Variants in GRIA1 observed in about 807,000 individuals in gnomAD.
GRIA1 encodes the protein glutamate ionotropic receptor AMPA type subunit 1, also known as glutamate receptor 1.
GRIA1 carries 31 observed loss-of-function variants against 99.2 expected under a neutral mutation model. The ratio of observed to expected loss-of-function variants is 0.31; its 90% CI spans 0.23 to 0.42. The LOEUF (loss-of-function observed/expected upper bound fraction) is 0.42. Among genes scored for constraint, GRIA1 ranks in the 10% least tolerant of loss-of-function variants. The pLI is 1.00. For missense variants in GRIA1, 782 were observed against 1,157.5 expected (o/e 0.68, Z 4.71); for synonymous variants, 438 against 432.4 (o/e 1.01, Z -0.16).
chr5:153,652,743 A>G (rs1398501867), intron 4 of GRIA1, among the ~76,000 whole-genome samples: 1 of 152,216 alleles, frequency 6.6e-6, no homozygotes, highest in African/African-American at 2.4e-5. Context: ...TTTACAGATC[A>G]CTTGATTCTT....
chr5:153,688,275 A>G (rs28438891), intron 8 of GRIA1, among the ~76,000 whole-genome samples: 21,664 of 152,128 alleles, frequency 0.14, 2,080 homozygotes, highest in East Asian at 0.52. Context: ...CTGGGAACGT[A>G]TCCACTTCTT....
At chr5:153,536,637 T>C (rs1758600279) in intron 2 of GRIA1, among the ~76,000 whole-genome samples, 2 of 152,196 alleles carry the variant, frequency 1.3e-5, no homozygotes, top group Non-Finnish European at 2.9e-5. Flanking sequence ...GAAATAGCTT[T>C]TGGAATCCAT....
chr5:153,492,786 T>TA (rs1409607902), intron 1 of GRIA1, among the ~76,000 whole-genome samples: 9 of 143,734 alleles, frequency 6.3e-5, no homozygotes, highest in African/African-American at 2.2e-4. Flanking sequence ...GCTACTGTTT[T>TA]CAAAAAAAAA....
intron 14 of GRIA1, 78 bp from the exon 15 acceptor site, chr5:153,802,278 T>C (rs1766092018): frequency 7.8e-7 from 1 of 1,289,748 alleles, no homozygotes; most frequent in Non-Finnish European, 1.1e-6. Context: ...GAAAATATGC[T>C]GCTGCTTGGA....
chr5:153,572,159 A>G (rs978033845), intron 2 of GRIA1, among the ~76,000 whole-genome samples: 3 of 152,182 alleles, frequency 2.0e-5, no homozygotes, highest in Non-Finnish European at 2.9e-5. Context: ...ATGTTCAAGT[A>G]TCTCTGTCAC....
chr5:153,614,410 A>G (rs1016442235), intron 2 of GRIA1, among the ~76,000 whole-genome samples: 17 of 152,336 alleles, frequency 1.1e-4, no homozygotes, highest in African/African-American at 3.8e-4. Context: ...TTCCAGGCAC[A>G]GTGTCCTATG....
At chr5:153,686,756 A>C (rs1398759589) in intron 8 of GRIA1, among the ~76,000 whole-genome samples, 1 of 152,214 alleles carries the variant, frequency 6.6e-6, no homozygotes, top group East Asian at 1.9e-4. Context: ...TTATTTATAC[A>C]AAAGTAAGGG....
intron 11 of GRIA1, among the ~76,000 whole-genome samples, chr5:153,745,376 T>C (rs1277747824): frequency 6.6e-6 from 1 of 150,846 alleles, no homozygotes; most frequent in Non-Finnish European, 1.5e-5. Context: ...TCACCTGAGG[T>C]CAGGAGTTTG....
intron 11 of GRIA1, among the ~76,000 whole-genome samples, chr5:153,749,340 T>G (rs1159881629): frequency 6.6e-6 from 1 of 152,154 alleles, no homozygotes; most frequent in African/African-American, 2.4e-5. Flanking sequence ...ATTCCATTTG[T>G]GTTGCTATAA....
chr5:153,807,334 T>TG (rs1766502256), intron 15 of GRIA1, among the ~76,000 whole-genome samples: 1 of 152,150 alleles, frequency 6.6e-6, no homozygotes, highest in Admixed American at 6.5e-5. Flanking sequence ...CAGAGTTTGA[T>TG]GGGGAAGACA....
At chr5:153,709,280 C>T (rs1434773145) in intron 11 of GRIA1, among the ~76,000 whole-genome samples, 1 of 152,202 alleles carries the variant, frequency 6.6e-6, no homozygotes, top group African/African-American at 2.4e-5. Context: ...AAACATCCTT[C>T]CAAATGAGCT....
At chr5:153,575,442 C>G (rs559205458) in intron 2 of GRIA1, among the ~76,000 whole-genome samples, 1 of 152,244 alleles carries the variant, frequency 6.6e-6, no homozygotes, top group South Asian at 2.1e-4. Context: ...TTCAGCAGAC[C>G]CACAATCCGG....
At chr5:153,618,706 C>A (rs1462326062) in intron 2 of GRIA1, among the ~76,000 whole-genome samples, 1 of 152,044 alleles carries the variant, frequency 6.6e-6, no homozygotes. Context: ...AACTAGGAAC[C>A]AGTTATTCTA....
intron 5 of GRIA1, among the ~76,000 whole-genome samples, chr5:153,663,967 T>C (rs1166563943): frequency 6.6e-6 from 1 of 152,206 alleles, no homozygotes; most frequent in African/African-American, 2.4e-5. Flanking sequence ...TTGGACCATT[T>C]CAGATATGTA....
At chr5:153,755,813 A>G (rs11742288) in intron 11 of GRIA1, 90,950 of 152,136 alleles carry the variant, frequency 0.6, 27,947 homozygotes, top group East Asian at 0.94. Context: ...CAGGTAGGAG[A>G]TTATAAAACA....
chr5:153,490,817 A>C lies in GRIA1; in HGVS notation c.-72A>C. 9.1e-7 allele frequency: 1 copy of C among 1,095,042 alleles called. No individual in the cohort carries two copies. The allele number at this position is 1,095,042 out of a possible 1,614,324, so 67.8% of individuals were successfully genotyped here. On this transcript the variant is annotated 5_prime_UTR_variant, in exon 1 of 16. Transcript: ENST00000285900. ...GAACAGGCAGAACAGCGAGAAGAATAAAGGGAAAGGGGGGGAAACACCAAA... is the reference window on the plus strand; with the variant it reads ...GAACAGGCAGAACAGCGAGAAGAATCAAGGGAAAGGGGGGGAAACACCAAA...
intron 13 of GRIA1, among the ~76,000 whole-genome samples, chr5:153,782,121 C>G (rs1049000421): frequency 2.6e-5 from 4 of 152,152 alleles, no homozygotes; most frequent in Non-Finnish European, 5.9e-5. Flanking sequence ...CAAGCAATCT[C>G]TAAATTCTCA....
chr5:153,579,173 C>T (rs959970446), intron 2 of GRIA1, among the ~76,000 whole-genome samples: 6 of 152,094 alleles, frequency 3.9e-5, no homozygotes, highest in African/African-American at 1.4e-4. Flanking sequence ...CCATCATTTC[C>T]CCAAAGCTCT....
rs1216946155 is a variant in GRIA1, at chr5:153,667,645, C to T, written c.700-6855C>T. 2.0e-5 allele frequency among the ~76,000 whole-genome samples: 3 copies of T among 152,280 alleles called. No individual in the cohort carries two copies. The East Asian group carries it at 5.8e-4, about 29-fold the overall frequency. ...GTTCACCAATCCTGTGATGTAGGTGCTATATCTGCATTTTGAAGACCAGAG... is the reference window on the plus strand; with the variant it reads ...GTTCACCAATCCTGTGATGTAGGTGTTATATCTGCATTTTGAAGACCAGAG... On this transcript the variant is annotated intron_variant, in intron 5 of 15. Coordinates refer to ENST00000285900, the MANE Select transcript of GRIA1 (RefSeq NM_000827.4).
Sources: allele counts gnomAD v4.1 joint callset (sites outside exome capture counted in the v4.1 genomes callset), GRCh38; gene constraint gnomAD v4.1.1; transcripts MANE v1.5; gene names NCBI Gene and HGNC (gene_info 2026-07-23, HGNC 2026-07-21).